Variants in STPG1 observed in about 807,000 individuals in gnomAD.
STPG1 encodes O(6)-methylguanine-induced apoptosis 2.
In STPG1, 33 loss-of-function variants were observed where a neutral mutation model predicts 40.1. The ratio of observed to expected loss-of-function variants is 0.82; its 90% CI spans 0.62 to 1.10. The LOEUF is 1.10. Ranked by LOEUF, STPG1 falls within the 50% of genes least tolerant of loss-of-function variation. STPG1 has a pLI of 0.00. For missense variants in STPG1, 396 were observed against 415.1 expected, an observed-to-expected ratio of 0.95 and a Z score of 0.40; for synonymous variants, 150 against 155.0, an observed-to-expected ratio of 0.97 and a Z score of 0.24.
chr1:24,398,019 C>G (rs1231653540), intron 2 of STPG1, among the ~76,000 whole-genome samples: 1 of 152,082 alleles, frequency 6.6e-6, no homozygotes, highest in East Asian at 1.9e-4. Flanking sequence ...AACTATTTTT[C>G]ATAGTCGTTG....
intron 3 of STPG1, among the ~76,000 whole-genome samples, chr1:24,390,652 C>T (rs997278856): frequency 6.6e-6 from 1 of 152,162 alleles, no homozygotes; most frequent in Non-Finnish European, 1.5e-5. Context: ...CTTGTGACCT[C>T]AGGTGATCTG....
chr1:24,407,784 G>T (rs1245628299), intron 1 of STPG1, among the ~76,000 whole-genome samples: 2 of 152,060 alleles, frequency 1.3e-5, no homozygotes, highest in Admixed American at 6.6e-5. Context: ...CCCATCCATT[G>T]CATTCTTATT....
chr1:24,386,584 C>CA (rs1427188306), intron 3 of STPG1, among the ~76,000 whole-genome samples: 4 of 152,212 alleles, frequency 2.6e-5, no homozygotes, highest in Admixed American at 2.6e-4. Context: ...GACCAGCACA[C>CA]CACCGCCTTC....
At position 24,401,544 on chromosome 1, in the gene STPG1, TGAGA is replaced by T; in HGVS notation, c.-68-92_-68-89del. 21 of 663,542 alleles carry T rather than the reference TGAGA, an allele frequency of 3.2e-5. No individual in the cohort carries two copies. The East Asian group carries it at 3.3e-4, about 11-fold the overall frequency. The allele number at this position is 663,542 out of a possible 1,614,324, so 41.1% of individuals were successfully genotyped here. A position where few individuals can be genotyped will look rare whatever the true frequency, so the allele number is the denominator to read the frequency against. ...GTTCTGTTCTATCTACAGGGTAAACTGAGAAATGGTGTGGGTGCCGGCTGAGATC... is the reference window on the plus strand; with the variant it reads ...GTTCTGTTCTATCTACAGGGTAAACTAATGGTGTGGGTGCCGGCTGAGATC... On this transcript the variant is annotated intron_variant, in intron 1 of 8. Coordinates refer to ENST00000337248, the MANE Select transcript of STPG1 (RefSeq NM_001199013.2).
rs147780098 is a variant in STPG1 at position 24,364,804 on chromosome 1, C to T, written c.738-3763G>A. ...CTCAGTTATAAAAGCCAACCTGGCC[C>T]TGCCCCGTGGAAAGAAAACATCTAT... On this transcript the variant is annotated intron_variant, in intron 7 of 8. Coordinates refer to ENST00000337248, the MANE Select transcript of STPG1 (RefSeq NM_001199013.2). 2.6e-5 allele frequency among the ~76,000 whole-genome samples: 4 copies of T among 152,354 alleles called. No homozygotes were observed. The East Asian group carries it at 7.7e-4, about 29-fold the overall frequency.
At chr1:24,413,533 C>T (rs1643845755) in intron 1 of STPG1, 141 bp downstream of exon 1, 1 of 152,342 alleles carries the variant, frequency 6.6e-6, no homozygotes. Context: ...CCTCGGGGCT[C>T]CACCTAGCTC....
chr1:24,366,839 C>A (rs1332950024), intron 7 of STPG1, among the ~76,000 whole-genome samples: 1 of 152,174 alleles, frequency 6.6e-6, no homozygotes, highest in Non-Finnish European at 1.5e-5. Context: ...GGGCACCATC[C>A]CCTCATCAGG....
intron 3 of STPG1, among the ~76,000 whole-genome samples, chr1:24,384,653 T>C (rs114577551): frequency 6.6e-6 from 1 of 152,292 alleles, no homozygotes; most frequent in African/African-American, 2.4e-5. Context: ...TTTCATTGCA[T>C]TTCCCATGCT....
rs927377209 is a variant in STPG1, at chr1:24,379,650, T to A, written c.462+3A>T. 9 of 1,614,130 alleles carry A rather than the reference T, an allele frequency of 5.6e-6. No homozygotes were observed. The highest frequency in any genetic ancestry group is 7.6e-6 in the Non-Finnish European group (9 of 1,179,948). On this transcript the variant is annotated splice_donor_region_variant and intron_variant, in intron 5 of 8. Coordinates refer to ENST00000337248, the MANE Select transcript of STPG1 (RefSeq NM_001199013.2). The stretch of plus-strand genomic sequence containing the variant: ...ATTTAGCAAGCATAGGCAGAGTTCT[T>A]ACATTGTAATAGTTTGGTGCAGGAG...
intron 1 of STPG1, among the ~76,000 whole-genome samples, chr1:24,407,143 T>C (rs1166032825): frequency 6.6e-6 from 1 of 152,206 alleles, no homozygotes; most frequent in Non-Finnish European, 1.5e-5. Context: ...TCTATGTGCC[T>C]CTCAGCAATT....
rs1640802904 is a variant in STPG1, at chr1:24,357,518, T to G, written c.*1025A>C. The G allele has an allele frequency of 6.5e-6, 1 of 152,958 alleles. No homozygotes were observed. Among genetic ancestry groups the G allele is most frequent in the South Asian group, 2.1e-4 (1 of 4,842 alleles). The allele number at this position is 152,958 out of a possible 1,614,324, so 9.5% of individuals were successfully genotyped here. ...GGTGGGCCCCAGGCCTCAGTACTTT[T>G]TAAAGTCCCCAGGTGATTACAGTGT... is the stretch of plus-strand genomic sequence containing the variant. On this transcript the variant is annotated 3_prime_UTR_variant, in exon 9 of 9. Coordinates refer to ENST00000337248, the MANE Select transcript of STPG1 (RefSeq NM_001199013.2).
chr1:24,414,235 A>G, upstream of STPG1: 1 of 151,932 alleles, frequency 6.6e-6, no homozygotes, highest in Non-Finnish European at 1.5e-5. Context: ...TAGTAGAGAC[A>G]GGGTTTCACC....
At chr1:24,374,257 G>T (rs543685) in intron 5 of STPG1, among the ~76,000 whole-genome samples, 35,040 of 61,760 alleles carry the variant, frequency 0.57, 9,687 homozygotes, top group East Asian at 0.75. Context: ...TTTTTTTTTT[G>T]TTTTTTTTTT....
At chr1:24,389,456 G>A (rs1007555472) in intron 3 of STPG1, among the ~76,000 whole-genome samples, 4 of 152,108 alleles carry the variant, frequency 2.6e-5, no homozygotes, top group Non-Finnish European at 5.9e-5. Context: ...CCTGGGTTGA[G>A]GTCTAATTCT....
At chr1:24,373,215 C>T (rs1043758184) in intron 6 of STPG1, among the ~76,000 whole-genome samples, 7 of 152,172 alleles carry the variant, frequency 4.6e-5, no homozygotes, top group African/African-American at 1.2e-4. Flanking sequence ...AACCACTCAC[C>T]GTGGAGTGGG....
At chr1:24,360,640 T>A (rs1317031588) in intron 8 of STPG1, among the ~76,000 whole-genome samples, 2 of 152,220 alleles carry the variant, frequency 1.3e-5, no homozygotes, top group Non-Finnish European at 2.9e-5. Context: ...TATGAATCCC[T>A]GGCCTGGACC....
chr1:24,372,814 C>T (rs1029659407), intron 6 of STPG1, among the ~76,000 whole-genome samples: 6 of 152,104 alleles, frequency 3.9e-5, no homozygotes, highest in Admixed American at 3.9e-4. Flanking sequence ...GCTTCTGGGG[C>T]CCAAGGTTCC....
At chr1:24,376,096 C>T (rs1557441799) in intron 5 of STPG1, among the ~76,000 whole-genome samples, 2 of 152,206 alleles carry the variant, frequency 1.3e-5, no homozygotes, top group African/African-American at 2.4e-5. Flanking sequence ...TCTTGGCTCA[C>T]TGCAACCTCC....
intron 3 of STPG1, 139 bp downstream of exon 3, chr1:24,391,422 T>C (rs917865521): frequency 9.1e-6 from 5 of 551,468 alleles, no homozygotes; most frequent in African/African-American, 7.7e-5. Flanking sequence ...TGCCCCTCAG[T>C]GGAGCTGGTG....
Sources: gnomAD v4.1 joint callset for allele counts (sites outside exome capture counted in the v4.1 genomes callset) on GRCh38, gnomAD v4.1.1 for gene constraint, MANE v1.5 for transcripts, NCBI Gene and HGNC (gene_info 2026-07-23, HGNC 2026-07-21) for gene names.